SIPA1L2: variants seen among roughly 807,000 people sequenced by gnomAD.
SIPA1L2 encodes the protein signal-induced proliferation-associated 1-like protein 2.
A neutral mutation model predicts 163.9 loss-of-function variants in SIPA1L2; 56 were observed. That is an observed-to-expected ratio of 0.34 (90% CI 0.28 to 0.43). The LOEUF (loss-of-function observed/expected upper bound fraction) is 0.43. Among genes scored for constraint, SIPA1L2 ranks in the 20% least tolerant of loss-of-function variants. SIPA1L2 has a pLI of 1.00. For missense variants in SIPA1L2, 1,974 were observed against 2,193.5 expected, an observed-to-expected ratio of 0.90 and a Z score of 2.00; for synonymous variants, 877 against 865.7, an observed-to-expected ratio of 1.01 and a Z score of -0.23.
At chr1:232,564,465 G>C (rs1659283492) in intron 2 of SIPA1L2, among the ~76,000 whole-genome samples, 1 of 151,956 alleles carries the variant, frequency 6.6e-6, no homozygotes, top group African/African-American at 2.4e-5. Context: ...TCACTATCAA[G>C]CATGAAGCCT....
Position 232,418,875 on chromosome 1 carries a change from G to A in SIPA1L2, c.4631-3250C>T, listed in dbSNP as rs1299102940. ...TCCTTTTCTCATGAGTTTACCTGAAGCACTGTCCACTCAGCAGTCTACCAC... is the reference window on the plus strand; with the variant it reads ...TCCTTTTCTCATGAGTTTACCTGAAACACTGTCCACTCAGCAGTCTACCAC... On this transcript the variant is annotated intron_variant, in intron 18 of 22. Coordinates refer to ENST00000674635, the MANE Select transcript of SIPA1L2 (RefSeq NM_020808.5). Among the ~76,000 whole-genome samples, 8 of 152,308 alleles carry A rather than the reference G, an allele frequency of 5.3e-5. No homozygotes were observed. The East Asian group carries it at 1.5e-3, about 29-fold the overall frequency.
At chr1:232,580,063 T>A (rs1009758646) in intron 1 of SIPA1L2, among the ~76,000 whole-genome samples, 1 of 152,176 alleles carries the variant, frequency 6.6e-6, no homozygotes, top group Non-Finnish European at 1.5e-5. Context: ...CTCAACTGAG[T>A]ATACTTATAG....
chr1:232,597,487 C>G (rs972460319), intron 1 of SIPA1L2, among the ~76,000 whole-genome samples: 4 of 149,488 alleles, frequency 2.7e-5, no homozygotes, highest in African/African-American at 4.9e-5. Context: ...ACCATCCTGG[C>G]TAACACGGTG....
intron 1 of SIPA1L2, among the ~76,000 whole-genome samples, chr1:232,593,882 C>T (rs576510367): frequency 6.6e-6 from 1 of 152,318 alleles, no homozygotes; most frequent in East Asian, 1.9e-4. Flanking sequence ...CCGTGGACAT[C>T]CAGGGCAGAC....
chr1:232,515,254 T>C lies in SIPA1L2; in HGVS notation c.86A>G (p.Gln29Arg), dbSNP rs1667171784. Residue 29 changes from glutamine to arginine, a missense_variant, in exon 3 of 23, where the codon CAG (glutamine) becomes CGG (arginine). Coordinates refer to ENST00000674635, the MANE Select transcript of SIPA1L2 (RefSeq NM_020808.5). ...TTTCCGAGCAAAATAATCATCTGACTGCATGATTCTAGGGGGATCCTTGAA... is the reference window on the plus strand; with the variant it reads ...TTTCCGAGCAAAATAATCATCTGACCGCATGATTCTAGGGGGATCCTTGAA... ...SKFKDPPRIM[Q>R]SDDYFARKFK... 2 of 1,613,958 alleles carry C rather than the reference T, an allele frequency of 1.2e-6. No homozygotes were observed. Among genetic ancestry groups the C allele is most frequent in the African/African-American group, 2.7e-5 (2 of 74,926 alleles).
At chr1:232,497,391 AC>A (rs34592701) in intron 3 of SIPA1L2, among the ~76,000 whole-genome samples, 36,492 of 152,052 alleles carry the variant, frequency 0.24, 4,534 homozygotes, top group Admixed American at 0.34. Context: ...TTGCAAATGG[AC>A]CGGGGCCTTC....
At chr1:232,435,243 T>C (rs1662488653) in intron 15 of SIPA1L2, among the ~76,000 whole-genome samples, 2 of 152,250 alleles carry the variant, frequency 1.3e-5, no homozygotes, top group Non-Finnish European at 2.9e-5. Context: ...GATAGCGTGA[T>C]CACAAACTCT....
intron 2 of SIPA1L2, among the ~76,000 whole-genome samples, chr1:232,525,258 C>CGGAG (rs1667644326): frequency 9.4e-6 from 1 of 106,088 alleles, no homozygotes; most frequent in South Asian, 3.2e-4. Context: ...TTTTTGGAGA[C>CGGAG]GGAGTCTTGC....
chr1:232,507,318 G>A (rs141311688), intron 3 of SIPA1L2, among the ~76,000 whole-genome samples: 120 of 152,204 alleles, frequency 7.9e-4, no homozygotes, highest in African/African-American at 2.7e-3. Context: ...GATTTGGAGA[G>A]GAAGCCTGCA....
At chr1:232,499,611 G>T (rs1417038502) in intron 3 of SIPA1L2, among the ~76,000 whole-genome samples, 2 of 152,240 alleles carry the variant, frequency 1.3e-5, no homozygotes, top group Non-Finnish European at 2.9e-5. Flanking sequence ...AGGTGAAGTA[G>T]CAAGTGCTGA....
intron 1 of SIPA1L2, among the ~76,000 whole-genome samples, chr1:232,599,487 C>T (rs1364796281): frequency 2.6e-5 from 4 of 152,210 alleles, no homozygotes; most frequent in African/African-American, 4.8e-5. Context: ...ATCTTCTGTA[C>T]GCTATCAAAT....
intron 5 of SIPA1L2, among the ~76,000 whole-genome samples, chr1:232,485,056 G>T (rs12402647): frequency 6.6e-6 from 1 of 152,004 alleles, no homozygotes; most frequent in Non-Finnish European, 1.5e-5. Flanking sequence ...GGCATGCAAC[G>T]TCTGCCTGGG....
intron 1 of SIPA1L2, among the ~76,000 whole-genome samples, chr1:232,610,216 T>G (rs1034185249): frequency 5.3e-5 from 8 of 152,210 alleles, no homozygotes; most frequent in Non-Finnish European, 1.0e-4. Context: ...TAATGAATAT[T>G]ATTTATATTC....
intron 1 of SIPA1L2, among the ~76,000 whole-genome samples, chr1:232,588,234 A>T (rs1054236481): frequency 6.6e-6 from 1 of 152,086 alleles, no homozygotes; most frequent in East Asian, 1.9e-4. Context: ...ATTGAACCCA[A>T]CCTTGTACTT....
chr1:232,404,016 G>A, intron 20 of SIPA1L2, 109 bp downstream of exon 20: 2 of 1,244,846 alleles, frequency 1.6e-6, no homozygotes, highest in Non-Finnish European at 2.3e-6. Flanking sequence ...GTCCCGCTGT[G>A]CACCCCCAAC....
At chr1:232,621,671 C>T (rs770867658) in intron 1 of SIPA1L2, among the ~76,000 whole-genome samples, 7 of 152,138 alleles carry the variant, frequency 4.6e-5, no homozygotes, top group Non-Finnish European at 1.0e-4. Flanking sequence ...AATATCTCTC[C>T]CCAATTCTTT....
At position 232,461,145 on chromosome 1, in the gene SIPA1L2, C is replaced by A; in HGVS notation, c.2837G>T (p.Cys946Phe). ...VQRLVIVTRG[C>F]ETVEMTLRRN... ...CCTCAGGGTCATTTCCACAGTCTCG[C>A]AGCCTCTCGTCACTATCTAAGGGGG... is the stretch of plus-strand genomic sequence containing the variant. The change falls in exon 10 of 23, where the codon TGC becomes TTC. Residue 946 changes from cysteine to phenylalanine, a missense_variant. Cys to Phe is a radical substitution (Grantham distance 205, BLOSUM62 -2). Transcript: ENST00000674635. 1 of 1,614,168 alleles carries A rather than the reference C, an allele frequency of 6.2e-7. No homozygotes were observed. The highest frequency in any genetic ancestry group is 1.1e-5 in the South Asian group (1 of 91,074).
intron 12 of SIPA1L2, among the ~76,000 whole-genome samples, chr1:232,442,911 C>T (rs1174509847): frequency 2.0e-5 from 3 of 152,190 alleles, no homozygotes; most frequent in East Asian, 1.9e-4. Flanking sequence ...TTTCCCAGTG[C>T]ACCTGCGGGA....
chr1:232,542,148 A>G (rs547724868), intron 2 of SIPA1L2, among the ~76,000 whole-genome samples: 1 of 152,358 alleles, frequency 6.6e-6, no homozygotes, highest in Admixed American at 6.5e-5. Flanking sequence ...CCATCTACTT[A>G]TGTAACCCTG....
Sources: allele counts gnomAD v4.1 joint callset (sites outside exome capture counted in the v4.1 genomes callset), GRCh38; gene constraint gnomAD v4.1.1; transcripts MANE v1.5; gene names NCBI Gene and HGNC (gene_info 2026-07-23, HGNC 2026-07-21).